Variants in TTC3 observed in about 807,000 individuals in gnomAD.
TTC3 encodes E3 ubiquitin-protein ligase TTC3.
TTC3 carries 180 observed loss-of-function variants against 249.6 expected under a neutral mutation model. The ratio of observed to expected loss-of-function variants is 0.72; its 90% CI spans 0.64 to 0.82. The LOEUF (loss-of-function observed/expected upper bound fraction) is 0.82, where lower values mean the gene tolerates loss of function less well. Among genes scored for constraint, TTC3 ranks in the 40% least tolerant of loss-of-function variants. The pLI, the probability that TTC3 is intolerant of heterozygous loss-of-function variation, is 0.00. For missense variants in TTC3, 2,061 were observed against 2,398.4 expected, an observed-to-expected ratio of 0.86 and a Z score of 2.94; for synonymous variants, 717 against 805.0, an observed-to-expected ratio of 0.89 and a Z score of 1.85.
intron 10 of TTC3, chr21:37,108,084 CA>C (rs751291295): frequency 9.2e-5 from 18 of 195,546 alleles, no homozygotes; most frequent in South Asian, 1.8e-4. Flanking sequence ...GACTCTGTCT[CA>C]AAAAAAACAA....
chr21:37,201,839 G>C, exon 46 of TTC3: 1 of 456,892 alleles, frequency 2.2e-6, no homozygotes, highest in Non-Finnish European at 3.9e-6. Context: ...TGAGGTGGGT[G>C]GCTTCTTTTG....
At position 37,156,924 on chromosome 21, in the gene TTC3, A is replaced by C. The variant is rs1569089052; in HGVS notation, c.2992+18A>C. On this transcript the variant is annotated intron_variant, in intron 28 of 45. Transcript: ENST00000355666. Reference sequence around the variant, plus strand: ...TATAATGGGTATGTGGACTGAGTTTAGACTTATATTACATTTAATCTTAAG... The same window carrying C: ...TATAATGGGTATGTGGACTGAGTTTCGACTTATATTACATTTAATCTTAAG... 8 of 1,606,580 alleles carry C rather than the reference A, an allele frequency of 5.0e-6. No individual in the cohort carries two copies. Among genetic ancestry groups the C allele is most frequent in the Non-Finnish European group, 5.9e-6 (7 of 1,176,942 alleles).
chr21:37,173,049 T>C (rs1410436579), intron 35 of TTC3, among the ~76,000 whole-genome samples: 2 of 152,170 alleles, frequency 1.3e-5, no homozygotes, highest in African/African-American at 4.8e-5. Context: ...GGTAAATTCT[T>C]GTTTATATTG....
chr21:37,088,948 G>C, intron 5 of TTC3, 62 bp downstream of exon 5: 1 of 1,453,528 alleles, frequency 6.9e-7, no homozygotes, highest in South Asian at 1.2e-5. Context: ...CATTTATATG[G>C]TGTTAGGCTC....
intron 18 of TTC3, among the ~76,000 whole-genome samples, chr21:37,137,149 T>C (rs574770302): frequency 6.6e-6 from 1 of 152,330 alleles, no homozygotes; most frequent in East Asian, 1.9e-4. Context: ...TACAAGGAGA[T>C]GAATGTTGTT....
intron 11 of TTC3, among the ~76,000 whole-genome samples, chr21:37,119,697 G>A (rs1390566395): frequency 6.6e-6 from 1 of 152,094 alleles, no homozygotes; most frequent in East Asian, 1.9e-4. Context: ...TACTTTATAT[G>A]TTTTTCATAC....
exon 32 of TTC3, chr21:37,164,206 C>T: frequency 1.2e-6 from 2 of 1,607,118 alleles, no homozygotes; most frequent in Non-Finnish European, 1.7e-6. Context: ...AAATGTTCAA[C>T]TCTATATGAG....
chr21:37,091,228 T>G, intron 6 of TTC3, 65 bp from the exon 7 acceptor site: 1 of 1,526,526 alleles, frequency 6.6e-7, no homozygotes, highest in Non-Finnish European at 8.9e-7. Flanking sequence ...GATGAATTTA[T>G]AATGCCACAT....
chr21:37,136,573 A>G (rs541279392), intron 18 of TTC3, among the ~76,000 whole-genome samples: 1 of 152,354 alleles, frequency 6.6e-6, no homozygotes, highest in East Asian at 1.9e-4. Flanking sequence ...GAGGTGAGGA[A>G]GCTGCAGAAG....
chr21:37,122,436 A>T (rs1383872165), intron 12 of TTC3, among the ~76,000 whole-genome samples: 6 of 23,810 alleles, frequency 2.5e-4, no homozygotes, highest in African/African-American at 4.4e-4. Context: ...ATATATATAT[A>T]TTATATATAT....
intron 37 of TTC3, 71 bp downstream of exon 37, chr21:37,185,845 C>A: frequency 1.2e-6 from 1 of 807,972 alleles, no homozygotes; most frequent in Non-Finnish European, 1.8e-6. Flanking sequence ...GCACAGTAGA[C>A]TTTGAAATAT....
chr21:37,141,951 A>G (rs932118693), intron 20 of TTC3, among the ~76,000 whole-genome samples: 1 of 152,190 alleles, frequency 6.6e-6, no homozygotes, highest in African/African-American at 2.4e-5. Context: ...TTCAACATAC[A>G]CAAATCAATA....
At chr21:37,155,732 A>G (rs961609536) in intron 27 of TTC3, among the ~76,000 whole-genome samples, 3 of 152,218 alleles carry the variant, frequency 2.0e-5, no homozygotes, top group Non-Finnish European at 2.9e-5. Context: ...CCGTCATTTC[A>G]GTAGGAGTCT....
chr21:37,144,158 G>A (rs2078765768), intron 20 of TTC3, among the ~76,000 whole-genome samples: 1 of 151,634 alleles, frequency 6.6e-6, no homozygotes, highest in African/African-American at 2.4e-5. Context: ...CCAGTTAATG[G>A]GTGCAGCACA....
chr21:37,114,642 G>A (rs2075968400), intron 11 of TTC3, among the ~76,000 whole-genome samples: 1 of 152,084 alleles, frequency 6.6e-6, no homozygotes, highest in Non-Finnish European at 1.5e-5. Context: ...CAGGGATCTC[G>A]AACTAGAAAT....
Position 37,183,042 on chromosome 21 carries a change from GT to G in TTC3, c.4757+133del, listed in dbSNP as rs3831443. On this transcript the variant is annotated intron_variant, in intron 36 of 45. Transcript: ENST00000355666. ...AGTAAAAATGAATACTGTTTTCATT[GT>G]TTTGTCTCATTTAAAAAAGTATTCA... The G allele has an allele frequency of 2.3e-3, 1,987 of 857,114 alleles. 36 individuals are homozygous for G. The Admixed American group carries it at 0.03, about 13-fold the overall frequency. The allele number at this position is 857,114 out of a possible 1,614,324, so 53.1% of individuals were successfully genotyped here.
intron 10 of TTC3, 150 bp downstream of exon 10, chr21:37,096,793 A>G (rs2147729694): frequency 1.7e-6 from 1 of 571,786 alleles, no homozygotes; most frequent in South Asian, 2.5e-5. Context: ...CTTAGGCTTT[A>G]TATATAATAA....
intron 10 of TTC3, among the ~76,000 whole-genome samples, chr21:37,102,286 ATTTC>A (rs1314980438): frequency 6.6e-6 from 1 of 152,162 alleles, no homozygotes; most frequent in Non-Finnish European, 1.5e-5. Flanking sequence ...AATAGTTGTT[ATTTC>A]TTTATTGATC....
intron 1 of TTC3, 128 bp from the exon 2 acceptor site, chr21:37,087,119 C>T (rs934215638): frequency 9.1e-6 from 9 of 987,186 alleles, no homozygotes; most frequent in Non-Finnish European, 1.2e-5. Context: ...GCTCAGTGTT[C>T]TGATAGGAGT....
Sources: allele counts gnomAD v4.1 joint callset (sites outside exome capture counted in the v4.1 genomes callset), GRCh38; gene constraint gnomAD v4.1.1; transcripts MANE v1.5; gene names NCBI Gene and HGNC (gene_info 2026-07-23, HGNC 2026-07-21).